ADAMTSL2: variants seen among roughly 807,000 people sequenced by gnomAD.
ADAMTSL2 encodes ADAMTS like 2.
A neutral mutation model predicts 117.0 loss-of-function variants in ADAMTSL2; 55 were observed. The observed-to-expected ratio is 0.47, with a 90% CI of 0.38 to 0.59. The LOEUF (loss-of-function observed/expected upper bound fraction) is 0.59. Ranked by LOEUF, ADAMTSL2 falls within the 20% of genes least tolerant of loss-of-function variation. The pLI is 0.00. For synonymous variants in ADAMTSL2, 572 were observed against 566.4 expected (o/e 1.01, Z -0.14); for missense variants, 1,182 against 1,354.5 (o/e 0.87, Z 2.00).
chr9:133,571,994 G>A (rs1016715832), intron 17 of ADAMTSL2, among the ~76,000 whole-genome samples: 7 of 152,160 alleles, frequency 4.6e-5, no homozygotes, highest in African/African-American at 1.4e-4. Context: ...TTGCTGTGGC[G>A]GGTGGATGCA....
At chr9:133,562,686 CG>C in intron 12 of ADAMTSL2, among the ~76,000 whole-genome samples, 1 of 134,910 alleles carries the variant, frequency 7.4e-6, no homozygotes, top group Middle Eastern at 4.5e-3. Context: ...CTCGCACCGC[CG>C]TGGGCGGCGT....
At chr9:133,542,549 T>C (rs759939925) in intron 7 of ADAMTSL2, among the ~76,000 whole-genome samples, 32 of 152,304 alleles carry the variant, frequency 2.1e-4, no homozygotes, top group South Asian at 1.4e-3. Flanking sequence ...GGGGCTGACA[T>C]GCAAACAGCG....
intron 9 of ADAMTSL2, among the ~76,000 whole-genome samples, chr9:133,553,453 T>C (rs2131135905): frequency 6.6e-6 from 1 of 152,312 alleles, no homozygotes; most frequent in East Asian, 1.9e-4. Flanking sequence ...TGGGGTCCTT[T>C]ACTTCCACAA....
chr9:133,540,490 G>A, intron 5 of ADAMTSL2, 108 bp from the exon 6 acceptor site: 1 of 1,422,394 alleles, frequency 7.0e-7, no homozygotes, highest in Non-Finnish European at 9.6e-7. Context: ...GGCCTGAGTT[G>A]CCCCATCTAT....
Position 133,545,183 on chromosome 9 carries a change from C to A in ADAMTSL2, c.763+633C>A, listed in dbSNP as rs9330465. Among the ~76,000 whole-genome samples the A allele has an allele frequency of 4.2e-3, 639 of 151,862 alleles. 14 individuals carry two copies. The East Asian group carries it at 0.063, about 15-fold the overall frequency. ...GGAAGATGGAGTATTGGCCGAGCAG[C>A]GTGCCATGTCTGCACCCCTTGGGCC... is the stretch of plus-strand genomic sequence containing the variant. On this transcript the variant is annotated intron_variant, in intron 8 of 18. Coordinates refer to ENST00000651351, the MANE Select transcript of ADAMTSL2 (RefSeq NM_014694.4).
Position 133,557,767 on chromosome 9 carries a change from G to T in ADAMTSL2, c.1649+1837G>T, listed in dbSNP as rs915092175. On this transcript the variant is annotated intron_variant, in intron 11 of 18. Transcript: ENST00000651351. This position sits in a 1 kb window ranked among gnomAD's most constrained non-coding sequence, Gnocchi z 5.2. Reference sequence around the variant, plus strand: ...ACTGAGCCTCCAAGTGGCAGCAGTGGGGGGTGCCTTTCAGGACCCACTGCC... The same window carrying T: ...ACTGAGCCTCCAAGTGGCAGCAGTGTGGGGTGCCTTTCAGGACCCACTGCC... Among the ~76,000 whole-genome samples, 1 of 152,216 alleles carries T rather than the reference G, an allele frequency of 6.6e-6. No individual in the cohort carries two copies.
rs1830552269 is a variant in ADAMTSL2 at position 133,554,238 on chromosome 9, G to C, written c.940-119G>C. On this transcript the variant is annotated intron_variant, in intron 9 of 18. Transcript: ENST00000651351. This position sits in a 1 kb window ranked among gnomAD's most constrained non-coding sequence, Gnocchi z 5.2. ...TGGGCTAGTCAGTGTCATTCCCTGA[G>C]GGGGCTCAACTGCCAGTCACAGCAG... is the stretch of plus-strand genomic sequence containing the variant. 3 of 932,370 alleles carry C rather than the reference G, an allele frequency of 3.2e-6. No individual in the cohort carries two copies. Among genetic ancestry groups the C allele is most frequent in the African/African-American group, 1.7e-5 (1 of 60,518 alleles). The allele number at this position is 932,370 out of a possible 1,614,324, so 57.8% of individuals were successfully genotyped here.
At chr9:133,566,451 A>G (rs1298394573) in intron 12 of ADAMTSL2, among the ~76,000 whole-genome samples, 1 of 152,118 alleles carries the variant, frequency 6.6e-6, no homozygotes, top group Non-Finnish European at 1.5e-5. Context: ...AAAAAAAGAA[A>G]GTTCAAGAGG....
chr9:133,554,273 C>T lies in ADAMTSL2; in HGVS notation c.940-84C>T, dbSNP rs1048312943. ...CTGCCAGTCACAGCAGGGAACGCACCCTGCAGCTCTGTGGGAAGGGGATTG... is the reference window on the plus strand; with the variant it reads ...CTGCCAGTCACAGCAGGGAACGCACTCTGCAGCTCTGTGGGAAGGGGATTG... On this transcript the variant is annotated intron_variant, in intron 9 of 18. Transcript: ENST00000651351. The surrounding 1 kb of genome is among the most constrained non-coding windows in gnomAD (Gnocchi z 5.2). 8.8e-5 allele frequency: 113 copies of T among 1,284,886 alleles called. No homozygotes were observed. In the African/African-American group the frequency reaches 1.5e-3, roughly 17 times the overall value. 79.6% of individuals were successfully genotyped at this position (1,284,886 alleles called of 1,614,324 possible).
intron 2 of ADAMTSL2, 78 bp from the exon 3 acceptor site, chr9:133,537,327 C>A (rs554138691): frequency 7.6e-7 from 1 of 1,308,340 alleles, no homozygotes; most frequent in African/African-American, 1.5e-5. Flanking sequence ...ACGGTGATAC[C>A]CTCGGGCATG....
chr9:133,540,768 ACCGCCGGTCTCACTGTGCTGACTGCCCGC>A, intron 6 of ADAMTSL2, 25 bp downstream of exon 6: 1 of 1,613,426 alleles, frequency 6.2e-7, no homozygotes, highest in Non-Finnish European at 8.5e-7. Flanking sequence ...TAGCAAAAGT[ACCGCCGGTCTCACTGTGCTGACTGCCCGC>A]CCGCCTGTGG....
At chr9:133,551,005 G>T (rs1439575476) in intron 9 of ADAMTSL2, among the ~76,000 whole-genome samples, 1 of 152,096 alleles carries the variant, frequency 6.6e-6, no homozygotes, top group Non-Finnish European at 1.5e-5. Context: ...CCAACCTTCT[G>T]ATCTTTCCCA....
At chr9:133,543,176 C>A (rs1830266087) in intron 7 of ADAMTSL2, among the ~76,000 whole-genome samples, 1 of 152,164 alleles carries the variant, frequency 6.6e-6, no homozygotes, top group South Asian at 2.1e-4. Flanking sequence ...TGGTCTCGAA[C>A]TCCTGACCTC....
At chr9:133,540,388 A>T (rs1376289607) in intron 5 of ADAMTSL2, among the ~76,000 whole-genome samples, 1 of 152,156 alleles carries the variant, frequency 6.6e-6, no homozygotes, top group Non-Finnish European at 1.5e-5. Flanking sequence ...ACTCACGAGG[A>T]GGTAGAAGCT....
chr9:133,534,167 C>T (rs1348005735), upstream of ADAMTSL2: 1 of 152,422 alleles, frequency 6.6e-6, no homozygotes, highest in Non-Finnish European at 1.5e-5. Context: ...CTCCCTGGAG[C>T]CCTTGGTTCA....
intron 15 of ADAMTSL2, 48 bp downstream of exon 15, chr9:133,568,806 C>G (rs975846931): frequency 6.2e-7 from 1 of 1,611,502 alleles, no homozygotes; most frequent in South Asian, 1.1e-5. Flanking sequence ...GGTGAGGGGA[C>G]CCAGAGCTTT....
intron 12 of ADAMTSL2, 61 bp downstream of exon 12, chr9:133,561,356 C>T: frequency 2.1e-6 from 3 of 1,453,100 alleles, no homozygotes; most frequent in African/African-American, 1.4e-5. Flanking sequence ...TGGACATGGG[C>T]TGGGGCTGTG....
At position 133,556,891 on chromosome 9, in the gene ADAMTSL2, C is replaced by T. The variant is rs573394353; in HGVS notation, c.1649+961C>T. On this transcript the variant is annotated intron_variant, in intron 11 of 18. Transcript: ENST00000651351. ...CGCCTGCCCCCAGATAGAGGGTGGC[C>T]ACCCTTGCAGGTCCCCACAGTTTCT... Among the ~76,000 whole-genome samples the T allele has an allele frequency of 6.0e-3, 911 of 152,290 alleles. 8 individuals are homozygous for T. The highest frequency in any genetic ancestry group is 0.014 in the Middle Eastern group (4 of 294).
chr9:133,539,234 A>G (rs1830133402), intron 4 of ADAMTSL2, among the ~76,000 whole-genome samples: 1 of 152,164 alleles, frequency 6.6e-6, no homozygotes, highest in South Asian at 2.1e-4. Context: ...CCAGCATGAG[A>G]GGGACCCAGG....
Sources: gnomAD v4.1 joint callset for allele counts (sites outside exome capture counted in the v4.1 genomes callset) on GRCh38, gnomAD v4.1.1 for gene constraint, Gnocchi (gnomAD v3.1) non-coding constraint, MANE v1.5 for transcripts, NCBI Gene and HGNC (gene_info 2026-07-23, HGNC 2026-07-21) for gene names.